The following OSTM1 variants were observed in gnomAD, a reference collection of about 807,000 sequenced individuals.
OSTM1 encodes the protein osteoclastogenesis associated transmembrane protein 1, also known as osteopetrosis-associated transmembrane protein 1.
A neutral mutation model predicts 35.4 loss-of-function variants in OSTM1; 26 were observed. The ratio of observed to expected loss-of-function variants is 0.73; its 90% CI spans 0.54 to 1.02. The LOEUF (loss-of-function observed/expected upper bound fraction) is 1.02, where lower values mean the gene tolerates loss of function less well. OSTM1 is among the 50% of genes least tolerant of loss of function. OSTM1 has a pLI of 0.00. For missense variants in OSTM1, 366 were observed against 409.6 expected (o/e 0.89, Z 0.92); for synonymous variants, 181 against 165.0 (o/e 1.10, Z -0.75).
intron 1 of OSTM1, among the ~76,000 whole-genome samples, chr6:108,065,396 T>C (rs748708785): frequency 1.3e-5 from 2 of 151,740 alleles, no homozygotes; most frequent in Non-Finnish European, 2.9e-5. Flanking sequence ...CATGCCACCA[T>C]GCTTGGCTAA....
intron 1 of OSTM1, among the ~76,000 whole-genome samples, chr6:108,068,074 G>C (rs9400194): frequency 0.16 from 25,030 of 151,964 alleles, 2,548 homozygotes; most frequent in Admixed American, 0.22. Context: ...TGCCAGTGTT[G>C]ACAGATATAT....
chr6:108,074,246 C>T lies in OSTM1; in HGVS notation c.402+4G>A. The T allele has an allele frequency of 6.2e-7, 1 of 1,612,024 alleles. No individual in the cohort carries two copies. The highest frequency in any genetic ancestry group is 1.1e-5 in the South Asian group (1 of 90,930). On this transcript the variant is annotated splice_donor_region_variant and intron_variant, in intron 1 of 5. Coordinates refer to ENST00000193322, the MANE Select transcript of OSTM1 (RefSeq NM_014028.4). ...CACAGTCCCGGACGTGGTCCTGTAC[C>T]CACCCCCGCGGCTCGGCTGATGTTG...
At chr6:108,072,163 A>T (rs1457023001) in intron 1 of OSTM1, among the ~76,000 whole-genome samples, 1 of 152,182 alleles carries the variant, frequency 6.6e-6, no homozygotes, top group East Asian at 1.9e-4. Context: ...ACCCTAAAAC[A>T]ACTCATCTTA....
In OSTM1 at chr6:108,043,348, G is replaced by T. The variant is rs1771904765; in HGVS notation, c.*1437C>A. The T allele has an allele frequency of 2.0e-5, 3 of 151,920 alleles. No individual in the cohort carries two copies. The highest frequency in any genetic ancestry group is 7.3e-5 in the African/African-American group (3 of 41,300). The allele number at this position is 151,920 out of a possible 1,614,324, so 9.4% of individuals were successfully genotyped here. ...GATCAGAGAAAGTGTAACAGCTTTT[G>T]AGTATGTTATACATCCAAGAGCCTT... On this transcript the variant is annotated 3_prime_UTR_variant, in exon 6 of 6. Transcript: ENST00000193322.
At chr6:108,064,852 A>G (rs1772349062) in intron 1 of OSTM1, among the ~76,000 whole-genome samples, 1 of 152,212 alleles carries the variant, frequency 6.6e-6, no homozygotes, top group Non-Finnish European at 1.5e-5. Context: ...ATAATAAAAG[A>G]GTGGTAACTC....
chr6:108,043,745 G>A lies in OSTM1; in HGVS notation c.*1040C>T, dbSNP rs1472554899. The A allele has an allele frequency of 6.6e-6, 1 of 152,096 alleles. No individual in the cohort carries two copies. The highest frequency in any genetic ancestry group is 1.5e-5 in the Non-Finnish European group (1 of 68,030). The allele number at this position is 152,096 out of a possible 1,614,324, so 9.4% of individuals were successfully genotyped here. A position where few individuals can be genotyped will look rare whatever the true frequency, so the allele number is the denominator to read the frequency against. ...ATTGAAATAATTTAGAAACAATAAGGATGATCTTAATCTCACTATTTTCTG... is the reference window on the plus strand; with the variant it reads ...ATTGAAATAATTTAGAAACAATAAGAATGATCTTAATCTCACTATTTTCTG... On this transcript the variant is annotated 3_prime_UTR_variant, in exon 6 of 6. Coordinates refer to ENST00000193322, the MANE Select transcript of OSTM1 (RefSeq NM_014028.4).
intron 2 of OSTM1, 22 bp from the exon 3 acceptor site, chr6:108,054,609 T>C (rs948554981): frequency 1.8e-6 from 2 of 1,096,380 alleles, no homozygotes; most frequent in Non-Finnish European, 2.8e-6. Context: ...ATTCAAAAAG[T>C]ATATTAATAT....
At chr6:108,065,586 T>C (rs1226836398) in intron 1 of OSTM1, among the ~76,000 whole-genome samples, 1 of 152,180 alleles carries the variant, frequency 6.6e-6, no homozygotes, top group East Asian at 1.9e-4. Context: ...AATACAAGCC[T>C]GGGTCACTAG....
intron 1 of OSTM1, among the ~76,000 whole-genome samples, chr6:108,073,990 G>A (rs1394168214): frequency 6.6e-6 from 1 of 152,126 alleles, no homozygotes; most frequent in Admixed American, 6.6e-5. Context: ...GAGCAAGAGG[G>A]TTGGGGAATC....
chr6:108,047,616 A>G (rs1484350017), intron 5 of OSTM1, among the ~76,000 whole-genome samples: 1 of 152,208 alleles, frequency 6.6e-6, no homozygotes, highest in Non-Finnish European at 1.5e-5. Flanking sequence ...GTTAGTACAG[A>G]TAAGAGATGA....
intron 2 of OSTM1, among the ~76,000 whole-genome samples, chr6:108,057,579 A>G (rs1412772338): frequency 2.0e-5 from 3 of 152,200 alleles, no homozygotes; most frequent in African/African-American, 7.2e-5. Context: ...TAAAACAAAT[A>G]ATTTCTTTTG....
At chr6:108,066,374 C>CTTCAT (rs74704011) in intron 1 of OSTM1, among the ~76,000 whole-genome samples, 41,630 of 151,804 alleles carry the variant, frequency 0.27, 6,047 homozygotes, top group Admixed American at 0.45. Context: ...AATGTTCCAA[C>CTTCAT]TTCCTTATTT....
intron 1 of OSTM1, among the ~76,000 whole-genome samples, chr6:108,070,034 G>A (rs992695907): frequency 2.0e-5 from 3 of 151,636 alleles, no homozygotes; most frequent in South Asian, 4.2e-4. Context: ...GCTCTGTTCC[G>A]TCATTTTTTT....
At chr6:108,070,400 T>C (rs1303596189) in intron 1 of OSTM1, among the ~76,000 whole-genome samples, 1 of 152,184 alleles carries the variant, frequency 6.6e-6, no homozygotes, top group African/African-American at 2.4e-5. Context: ...TATGGTACAA[T>C]TTATAACACT....
At position 108,074,607 on chromosome 6, in the gene OSTM1, C is replaced by A; in HGVS notation, c.45G>T (p.Pro15=). 1 of 1,565,408 alleles carries A rather than the reference C, an allele frequency of 6.4e-7. No individual in the cohort carries two copies. The highest frequency in any genetic ancestry group is 8.6e-7 in the Non-Finnish European group (1 of 1,161,260). Residue 15 remains proline (P), a synonymous_variant, in exon 1 of 6, where the codon CCG becomes CCT. Coordinates refer to ENST00000193322, the MANE Select transcript of OSTM1 (RefSeq NM_014028.4). ...GCAGCAGCCCCAGCGGCAGCCACGG[C>A]GGCAACGAACACCTCCGCTGCGCGG... ...PTAAQRRCSL[P]PWLPLGLLLW... is the part of the protein sequence containing the mutation.
chr6:108,072,672 C>T (rs1772506050), intron 1 of OSTM1, among the ~76,000 whole-genome samples: 4 of 151,076 alleles, frequency 2.6e-5, no homozygotes, highest in African/African-American at 9.7e-5. Context: ...AAAAAACATG[C>T]TCTTTACAGA....
chr6:108,061,858 T>A (rs1161935839), intron 2 of OSTM1, among the ~76,000 whole-genome samples: 1 of 151,998 alleles, frequency 6.6e-6, no homozygotes, highest in African/African-American at 2.4e-5. Context: ...AAAACCCTTT[T>A]AAAAAAATCT....
chr6:108,073,928 T>C lies in OSTM1; in HGVS notation c.402+322A>G. On this transcript the variant is annotated intron_variant, in intron 1 of 5. Transcript: ENST00000193322. ...ACTTGTTTCAGAAAAGGATCCTTCC[T>C]GGCAACTCCAGGTGAAGATGAGAAG... The C allele has an allele frequency of 7.3e-6, 3 of 411,990 alleles. No homozygotes were observed. In the South Asian group the frequency reaches 1.0e-4, roughly 14 times the overall value. 25.5% of individuals were successfully genotyped at this position (411,990 alleles called of 1,614,324 possible).
chr6:108,045,137 TAGAC>T (rs1237681207), intron 5 of OSTM1, among the ~76,000 whole-genome samples: 5 of 152,180 alleles, frequency 3.3e-5, no homozygotes, highest in Non-Finnish European at 7.4e-5. Flanking sequence ...TAAATGTACT[TAGAC>T]AATGAAAGTG....
Sources: gnomAD v4.1 joint callset for allele counts (sites outside exome capture counted in the v4.1 genomes callset) on GRCh38, gnomAD v4.1.1 for gene constraint, MANE v1.5 for transcripts, NCBI Gene and HGNC (gene_info 2026-07-23, HGNC 2026-07-21) for gene names.